The following ABCG8 variants were observed in gnomAD, a reference collection of about 807,000 sequenced individuals.
ABCG8 encodes ATP binding cassette subfamily G member 8.
A neutral mutation model predicts 71.3 loss-of-function variants in ABCG8; 81 were observed. The observed-to-expected ratio is 1.14, with a 90% CI of 0.95 to 1.37. The LOEUF (loss-of-function observed/expected upper bound fraction) is 1.37, where lower values mean the gene tolerates loss of function less well. Ranked by LOEUF, ABCG8 falls within the 40% of genes most tolerant of loss-of-function variation. The probability of loss-of-function intolerance (pLI) is 0.00; values close to 1 mark genes in which losing one functional copy is unlikely to be tolerated. For missense variants in ABCG8, 1,119 were observed against 866.2 expected (o/e 1.29, Z -3.66); for synonymous variants, 451 against 354.7 (o/e 1.27, Z -3.05).
intron 6 of ABCG8, among the ~76,000 whole-genome samples, chr2:43,856,149 G>C (rs1263429041): frequency 6.6e-6 from 1 of 151,740 alleles, no homozygotes. Context: ...TATCTGGATA[G>C]AGTTCTCACT....
Position 43,852,896 on chromosome 2 carries a change from C to T in ABCG8, c.964+28C>T, listed in dbSNP as rs761682301. The stretch of plus-strand genomic sequence containing the variant: ...GAGTCCCCAAGGCCAGCAGCCAGGG[C>T]CCTGGCACACAGGGCCTCCCCGATG... On this transcript the variant is annotated intron_variant, in intron 6 of 12. Transcript: ENST00000272286. 5 of 1,611,412 alleles carry T rather than the reference C, an allele frequency of 3.1e-6. No homozygotes were observed. In the East Asian group the frequency reaches 6.7e-5, roughly 22 times the overall value.
intron 6 of ABCG8, among the ~76,000 whole-genome samples, chr2:43,861,665 A>C (rs1459786367): frequency 6.8e-6 from 1 of 146,968 alleles, no homozygotes; most frequent in Non-Finnish European, 1.5e-5. Context: ...GGATAGAACT[A>C]TCACCCTCTG....
At chr2:43,847,114 A>G (rs1490160347) in intron 3 of ABCG8, 1 of 152,522 alleles carries the variant, frequency 6.6e-6, no homozygotes, top group African/African-American at 2.4e-5. Flanking sequence ...AGCTAGAACT[A>G]GAACTTTGGT....
rs1016818261 is a variant in ABCG8 at position 43,881,149 on chromosome 2, A to G, written c.*3236A>G. 5 of 152,292 alleles carry G rather than the reference A, an allele frequency of 3.3e-5. No individual in the cohort carries two copies. Among genetic ancestry groups the G allele is most frequent in the South Asian group, 2.1e-4 (1 of 4,836 alleles). The allele number at this position is 152,292 out of a possible 1,614,324, so 9.4% of individuals were successfully genotyped here. On this transcript the variant is annotated 3_prime_UTR_variant, in exon 13 of 13. Transcript: ENST00000272286. ...CATCACCTGACTTTGTGAGTTCACC[A>G]TTCGGTCTGCAATGGGTTTTGGTAA...
At chr2:43,855,186 G>T (rs1488769082) in intron 6 of ABCG8, among the ~76,000 whole-genome samples, 2 of 151,452 alleles carry the variant, frequency 1.3e-5, no homozygotes, top group African/African-American at 4.9e-5. Context: ...GGATATAATT[G>T]TCGCCCTCTG....
chr2:43,879,558 T>A lies in ABCG8; in HGVS notation c.*1645T>A, dbSNP rs1670065172. The A allele has an allele frequency of 6.6e-6, 1 of 152,204 alleles. No homozygotes were observed. The highest frequency in any genetic ancestry group is 2.4e-5 in the African/African-American group (1 of 41,444). 9.4% of individuals were successfully genotyped at this position (152,204 alleles called of 1,614,324 possible). A position where few individuals can be genotyped will look rare whatever the true frequency, so the allele number is the denominator to read the frequency against. Reference sequence around the variant, plus strand: ...TGCAACACTCAGGATGCTTGCACGGTCATGTTGCCACCATCCAACCTGCAG... The same window carrying A: ...TGCAACACTCAGGATGCTTGCACGGACATGTTGCCACCATCCAACCTGCAG... On this transcript the variant is annotated 3_prime_UTR_variant, in exon 13 of 13. Coordinates refer to ENST00000272286, the MANE Select transcript of ABCG8 (RefSeq NM_022437.3).
intron 3 of ABCG8, chr2:43,848,262 G>A (rs145894697): frequency 1.3e-5 from 2 of 152,320 alleles, no homozygotes; most frequent in East Asian, 1.9e-4. Flanking sequence ...AAGCAATTTG[G>A]TCAGGCAGTA....
chr2:43,860,165 C>T (rs189862647), intron 6 of ABCG8, among the ~76,000 whole-genome samples: 2 of 151,512 alleles, frequency 1.3e-5, no homozygotes, highest in Non-Finnish European at 3.0e-5. Context: ...TTCTCACTCT[C>T]TGGATAGAAC....
intron 6 of ABCG8, among the ~76,000 whole-genome samples, chr2:43,868,851 T>G (rs1669639154): frequency 6.6e-6 from 1 of 151,892 alleles, no homozygotes; most frequent in Non-Finnish European, 1.5e-5. Context: ...GATAGAACTC[T>G]CACAATCTTT....
chr2:43,876,047 T>C (rs1201219736), intron 11 of ABCG8, among the ~76,000 whole-genome samples: 3 of 152,172 alleles, frequency 2.0e-5, no homozygotes, highest in African/African-American at 7.2e-5. Flanking sequence ...CATTGCCTCC[T>C]TCCCCTCCCC....
At position 43,877,929 on chromosome 2, in the gene ABCG8, T is replaced by G. The variant is rs1670017713; in HGVS notation, c.*16T>G. On this transcript the variant is annotated 3_prime_UTR_variant, in exon 13 of 13. Coordinates refer to ENST00000272286, the MANE Select transcript of ABCG8 (RefSeq NM_022437.3). Reference sequence around the variant, plus strand: ...AGACTGGTGATTCACGCCAGACGTCTGCCCGCTGGTGGGGGACCTGAGCAG... The same window carrying G: ...AGACTGGTGATTCACGCCAGACGTCGGCCCGCTGGTGGGGGACCTGAGCAG... 3 of 1,614,134 alleles carry G rather than the reference T, an allele frequency of 1.9e-6. No individual in the cohort carries two copies. The highest frequency in any genetic ancestry group is 2.5e-6 in the Non-Finnish European group (3 of 1,180,012).
intron 10 of ABCG8, 150 bp from the exon 11 acceptor site, chr2:43,874,996 T>A: frequency 8.9e-7 from 1 of 1,122,484 alleles, no homozygotes; most frequent in Middle Eastern, 2.8e-4. Context: ...ACTGAGCTCA[T>A]GCTCCTGGGT....
At chr2:43,860,496 C>T (rs1669272392) in intron 6 of ABCG8, among the ~76,000 whole-genome samples, 2 of 150,218 alleles carry the variant, frequency 1.3e-5, no homozygotes, top group Non-Finnish European at 3.0e-5. Context: ...GAACTCTCAC[C>T]CTCTAGATAG....
intron 3 of ABCG8, chr2:43,848,323 G>A (rs2104915016): frequency 6.6e-6 from 1 of 152,300 alleles, no homozygotes; most frequent in South Asian, 2.1e-4. Context: ...ATTGGTTACA[G>A]TTGGGTGTTC....
At chr2:43,873,638 T>C (rs1044379976) in intron 8 of ABCG8, 149 bp from the exon 9 acceptor site, 6 of 751,762 alleles carry the variant, frequency 8.0e-6, no homozygotes, top group South Asian at 6.3e-5. Context: ...AGTTTTCTGA[T>C]TTAATCCTCA....
At chr2:43,875,037 A>T (rs1037434318) in intron 10 of ABCG8, 109 bp from the exon 11 acceptor site, 2 of 1,494,222 alleles carry the variant, frequency 1.3e-6, no homozygotes, top group Non-Finnish European at 1.8e-6. Flanking sequence ...CAGCCTCATC[A>T]TCACCAGGAG....
Position 43,877,809 on chromosome 2 carries a change from C to T in ABCG8, c.1918C>T (p.Leu640Phe). ...LSVMELDSYP[L>F]YAIYLIVIGL... ...TGTCATGGAGCTGGACTCGTACCCT[C>T]TCTACGCCATCTACCTCATCGTCAT... The change falls in exon 13 of 13, where the codon CTC becomes TTC. Residue 640 changes from leucine to phenylalanine, a missense_variant. Leu to Phe is a conservative substitution (Grantham distance 22). Coordinates refer to ENST00000272286, the MANE Select transcript of ABCG8 (RefSeq NM_022437.3). 1.9e-6 allele frequency: 3 copies of T among 1,614,210 alleles called. No individual in the cohort carries two copies. Among genetic ancestry groups the T allele is most frequent in the Non-Finnish European group, 8.5e-7 (1 of 1,180,044 alleles).
At chr2:43,860,002 C>G (rs1231634199) in intron 6 of ABCG8, among the ~76,000 whole-genome samples, 2 of 141,604 alleles carry the variant, frequency 1.4e-5, no homozygotes, top group Non-Finnish European at 3.1e-5. Flanking sequence ...ACCCTCTGGA[C>G]AGAACTCTGA....
intron 6 of ABCG8, among the ~76,000 whole-genome samples, chr2:43,867,129 AG>A (rs1572856032): frequency 6.8e-6 from 1 of 146,468 alleles, no homozygotes; most frequent in Non-Finnish European, 1.5e-5. Context: ...TCTCACTCAT[AG>A]GTGGGAATTG....
Sources: allele counts gnomAD v4.1 joint callset (sites outside exome capture counted in the v4.1 genomes callset), GRCh38; gene constraint gnomAD v4.1.1; transcripts MANE v1.5; gene names NCBI Gene and HGNC (gene_info 2026-07-23, HGNC 2026-07-21).